Variants in NCKAP5 observed in about 807,000 individuals in gnomAD.
The protein encoded by NCKAP5 is nck-associated protein 5.
In NCKAP5, 92 loss-of-function variants were observed where a neutral mutation model predicts 167.0. That is an observed-to-expected ratio of 0.55 (90% CI 0.47 to 0.66). The LOEUF is 0.66. NCKAP5 is among the 30% of genes least tolerant of loss of function. The pLI is 0.00. For missense variants in NCKAP5, 2,378 were observed against 2,315.0 expected, an observed-to-expected ratio of 1.03 and a Z score of -0.56; for synonymous variants, 891 against 877.4, an observed-to-expected ratio of 1.02 and a Z score of -0.27.
At chr2:133,542,994 A>C (rs1286203198) in intron 2 of NCKAP5, among the ~76,000 whole-genome samples, 1 of 152,212 alleles carries the variant, frequency 6.6e-6, no homozygotes, top group African/African-American at 2.4e-5. Flanking sequence ...GAGATCATTT[A>C]TATGAAGTAT....
chr2:132,860,595 C>A lies in NCKAP5; in HGVS notation c.704G>T (p.Cys235Phe), dbSNP rs1387172575. The change falls in exon 11 of 20, where the codon TGT becomes TTT. Residue 235 changes from cysteine to phenylalanine, a missense_variant. Coordinates refer to ENST00000409261, the MANE Select transcript of NCKAP5 (RefSeq NM_207363.3). ...LLTQKDLREE[C>F]VKLKTRVFDL... ...AAACACTCTTGTTTTCAACTTCACACATTCCTCTCTTAGATCCTACAACAA... is the reference window on the plus strand; with the variant it reads ...AAACACTCTTGTTTTCAACTTCACAAATTCCTCTCTTAGATCCTACAACAA... 2.5e-6 allele frequency: 4 copies of A among 1,575,834 alleles called. No homozygotes were observed.
chr2:133,165,900 T>C (rs1195235039), intron 5 of NCKAP5, among the ~76,000 whole-genome samples: 2 of 152,220 alleles, frequency 1.3e-5, no homozygotes, highest in Non-Finnish European at 2.9e-5. Flanking sequence ...AAAGATTATA[T>C]TATTTTTTGG....
chr2:133,587,185 A>G, the NCKAP5 span, among the ~76,000 whole-genome samples: 1 of 152,192 alleles, frequency 6.6e-6, no homozygotes, highest in Non-Finnish European at 1.5e-5. Flanking sequence ...GTAATGAGTA[A>G]GCATGAGAGG....
chr2:133,368,675 C>T (rs1685604204), intron 3 of NCKAP5, among the ~76,000 whole-genome samples: 1 of 152,200 alleles, frequency 6.6e-6, no homozygotes, highest in South Asian at 2.1e-4. Context: ...TGAAGGATGG[C>T]CCCTGCCTTC....
chr2:133,051,720 C>T (rs2149487016), intron 6 of NCKAP5, among the ~76,000 whole-genome samples: 1 of 152,256 alleles, frequency 6.6e-6, no homozygotes, highest in Admixed American at 6.5e-5. Context: ...ATCTGCTATG[C>T]CTAAGGTGAT....
At chr2:132,815,639 A>G (rs1442825750) in intron 11 of NCKAP5, among the ~76,000 whole-genome samples, 1 of 152,206 alleles carries the variant, frequency 6.6e-6, no homozygotes, top group African/African-American at 2.4e-5. Flanking sequence ...ATGCCCTTTA[A>G]CTTGAATGTA....
At chr2:133,405,064 A>C (rs76828336) in intron 3 of NCKAP5, among the ~76,000 whole-genome samples, 30 of 152,332 alleles carry the variant, frequency 2.0e-4, no homozygotes, top group African/African-American at 7.0e-4. Flanking sequence ...GTTACATCTC[A>C]TTATTCACAG....
At chr2:133,511,404 A>C (rs1469689469) in intron 3 of NCKAP5, among the ~76,000 whole-genome samples, 1 of 152,180 alleles carries the variant, frequency 6.6e-6, no homozygotes, top group African/African-American at 2.4e-5. Flanking sequence ...ACAGGTGGGC[A>C]GGGCACCTCT....
intron 11 of NCKAP5, among the ~76,000 whole-genome samples, chr2:132,832,354 G>A (rs1402461352): frequency 6.6e-6 from 1 of 152,172 alleles, no homozygotes; most frequent in South Asian, 2.1e-4. Context: ...CTGGCATGTA[G>A]AAATGCTGTG....
chr2:133,658,622 G>T, the NCKAP5 span, among the ~76,000 whole-genome samples: 65 of 152,178 alleles, frequency 4.3e-4, 2 homozygotes, highest in East Asian at 0.01. Flanking sequence ...TTTCCGTATC[G>T]GGACCTACGG....
intron 5 of NCKAP5, among the ~76,000 whole-genome samples, chr2:133,179,511 A>G (rs1278450498): frequency 1.3e-5 from 2 of 152,200 alleles, no homozygotes; most frequent in Non-Finnish European, 2.9e-5. Context: ...GATGACAACG[A>G]GAAGACAGAG....
In NCKAP5 at chr2:132,782,624, C is replaced by A; in HGVS notation, c.4187G>T (p.Cys1396Phe). 6.3e-7 allele frequency: 1 copy of A among 1,599,080 alleles called. No individual in the cohort carries two copies. Among genetic ancestry groups the A allele is most frequent in the South Asian group, 1.1e-5 (1 of 88,008 alleles). ...AAGTACAGCCACATTGGCACTGGGG[C>A]ACTCTCCCTGGGTGAAGGCCTGCTG... Reference protein sequence around the residue: ...EDQQAFTQGECPSANVAVLGE... With the variant: ...EDQQAFTQGEFPSANVAVLGE... The change falls in exon 14 of 20, where the codon TGC (cysteine) becomes TTC (phenylalanine). Residue 1396 changes from cysteine to phenylalanine, a missense_variant. Physicochemically the swap from Cys to Phe is radical, Grantham distance 205 (BLOSUM62 -2). Coordinates refer to ENST00000409261, the MANE Select transcript of NCKAP5 (RefSeq NM_207363.3).
At chr2:133,434,808 A>G (rs1690370271) in intron 3 of NCKAP5, among the ~76,000 whole-genome samples, 1 of 152,188 alleles carries the variant, frequency 6.6e-6, no homozygotes, top group African/African-American at 2.4e-5. Flanking sequence ...TTAAAGGACC[A>G]CATTTCTTTG....
chr2:132,854,670 T>C (rs1689326068), intron 11 of NCKAP5, among the ~76,000 whole-genome samples: 1 of 152,238 alleles, frequency 6.6e-6, no homozygotes, highest in African/African-American at 2.4e-5. Flanking sequence ...CTGCTATAGC[T>C]TCCCACATGC....
At chr2:133,070,223 A>G (rs2080342609) in intron 6 of NCKAP5, among the ~76,000 whole-genome samples, 1 of 152,212 alleles carries the variant, frequency 6.6e-6, no homozygotes, top group Non-Finnish European at 1.5e-5. Context: ...TAGTATTAGA[A>G]TACACAAGAC....
At chr2:133,448,066 C>T (rs1204721374) in intron 3 of NCKAP5, among the ~76,000 whole-genome samples, 3 of 152,176 alleles carry the variant, frequency 2.0e-5, no homozygotes, top group African/African-American at 7.2e-5. Flanking sequence ...AGCAGCAGAA[C>T]AAAGCAGAAG....
At chr2:133,612,161 T>C in the NCKAP5 span, among the ~76,000 whole-genome samples, 2 of 152,084 alleles carry the variant, frequency 1.3e-5, no homozygotes, top group African/African-American at 4.8e-5. Flanking sequence ...TTGGAATGCA[T>C]AGGAAAGATA....
At chr2:133,549,118 A>C (rs1282215782) in intron 2 of NCKAP5, among the ~76,000 whole-genome samples, 4 of 150,520 alleles carry the variant, frequency 2.7e-5, no homozygotes, top group Admixed American at 1.3e-4. Flanking sequence ...AACAAAGATC[A>C]AAAGAGACAA....
At chr2:133,071,401 C>T (rs1460584562) in intron 6 of NCKAP5, among the ~76,000 whole-genome samples, 1 of 152,082 alleles carries the variant, frequency 6.6e-6, no homozygotes, top group Admixed American at 6.5e-5. Context: ...GCCGAGATCC[C>T]GCCACTGCAC....
Sources: gnomAD v4.1 joint callset for allele counts (sites outside exome capture counted in the v4.1 genomes callset) on GRCh38, gnomAD v4.1.1 for gene constraint, MANE v1.5 for transcripts, NCBI Gene and HGNC (gene_info 2026-07-23, HGNC 2026-07-21) for gene names.